The following RORA variants were observed in gnomAD, a reference collection of about 807,000 sequenced individuals.
RORA encodes nuclear receptor ROR-alpha.
In RORA, 7 loss-of-function variants were observed where a neutral mutation model predicts 69.5. The ratio of observed to expected loss-of-function variants is 0.10; its 90% CI spans 0.06 to 0.19. The LOEUF (loss-of-function observed/expected upper bound fraction) is 0.19. RORA is among the 10% of genes least tolerant of loss of function. RORA has a pLI of 1.00. For synonymous variants in RORA, 261 were observed against 240.8 expected (o/e 1.08, Z -0.78); for missense variants, 457 against 663.0 (o/e 0.69, Z 3.41).
In RORA at chr15:61,083,403, AG is replaced by A. The variant is rs774540823; in HGVS notation, c.166+145649del. Among the ~76,000 whole-genome samples the A allele has an allele frequency of 9.8e-5, 15 of 152,310 alleles. No individual in the cohort carries two copies. In the South Asian group the frequency reaches 1.0e-3, roughly 11 times the overall value. Reference sequence around the variant, plus strand: ...TAGATGATCTGGGCCAAGAGGTAGCAGTTCCTTCATACAAAGCCATCTATAC... The same window carrying A: ...TAGATGATCTGGGCCAAGAGGTAGCATTCCTTCATACAAAGCCATCTATAC... On this transcript the variant is annotated intron_variant, in intron 1 of 10. Coordinates refer to ENST00000335670, the MANE Select transcript of RORA (RefSeq NM_134261.3).
chr15:61,133,880 C>G (rs2140849188), intron 1 of RORA, among the ~76,000 whole-genome samples: 1 of 152,330 alleles, frequency 6.6e-6, no homozygotes, highest in African/African-American at 2.4e-5. Flanking sequence ...AAATCTTTAA[C>G]TGTAGCAAAA....
chr15:60,551,014 C>G (rs1180254912), intron 2 of RORA, among the ~76,000 whole-genome samples: 2 of 152,116 alleles, frequency 1.3e-5, no homozygotes, highest in African/African-American at 4.8e-5. Context: ...AACAGGATAG[C>G]TACAAAGTCA....
intron 1 of RORA, among the ~76,000 whole-genome samples, chr15:60,814,275 G>A (rs1036860068): frequency 1.3e-5 from 2 of 152,096 alleles, no homozygotes; most frequent in Non-Finnish European, 2.9e-5. Flanking sequence ...ATTAGCCAGC[G>A]TTCTTCAAGG....
chr15:60,650,640 A>G (rs1455956799), intron 2 of RORA: 1 of 152,140 alleles, frequency 6.6e-6, no homozygotes, highest in Non-Finnish European at 1.5e-5. Flanking sequence ...AAACCAGGAG[A>G]AGAGAGCACC....
At chr15:60,773,522 C>T (rs1390094256) in intron 1 of RORA, among the ~76,000 whole-genome samples, 3 of 152,184 alleles carry the variant, frequency 2.0e-5, no homozygotes, top group Non-Finnish European at 2.9e-5. Context: ...TTTACCAATA[C>T]TTTTACTAAT....
chr15:60,838,293 C>G (rs1239063602), intron 1 of RORA, among the ~76,000 whole-genome samples: 51 of 152,208 alleles, frequency 3.4e-4, no homozygotes, highest in Admixed American at 3.3e-3. Flanking sequence ...ATGGCCTGGG[C>G]TGGGGATTTT....
chr15:60,984,656 T>A (rs977304580), intron 1 of RORA, among the ~76,000 whole-genome samples: 3 of 152,158 alleles, frequency 2.0e-5, no homozygotes, highest in African/African-American at 7.2e-5. Flanking sequence ...CTTGTTGTTA[T>A]TGGTTTGAGA....
chr15:60,732,708 C>T (rs1339024987), intron 1 of RORA, among the ~76,000 whole-genome samples: 1 of 152,048 alleles, frequency 6.6e-6, no homozygotes, highest in Non-Finnish European at 1.5e-5. Context: ...ACACACCCCC[C>T]TTTACATAAC....
intron 1 of RORA, among the ~76,000 whole-genome samples, chr15:60,877,528 G>A (rs1409159630): frequency 6.6e-6 from 1 of 152,132 alleles, no homozygotes; most frequent in African/African-American, 2.4e-5. Context: ...AACTGATTTA[G>A]TCTGTGAGTA....
At chr15:60,998,163 A>G (rs1894621068) in intron 1 of RORA, among the ~76,000 whole-genome samples, 1 of 152,134 alleles carries the variant, frequency 6.6e-6, no homozygotes, top group Admixed American at 6.5e-5. Context: ...TTCATCATGT[A>G]TAATCTTTCT....
At chr15:60,911,692 A>G (rs1891722417) in intron 1 of RORA, among the ~76,000 whole-genome samples, 1 of 132,766 alleles carries the variant, frequency 7.5e-6, no homozygotes, top group African/African-American at 2.8e-5. Flanking sequence ...GTGTCAGGTA[A>G]CGGATTTTTG....
At chr15:60,575,083 G>A (rs973502146) in intron 2 of RORA, among the ~76,000 whole-genome samples, 1 of 151,950 alleles carries the variant, frequency 6.6e-6, no homozygotes, top group Non-Finnish European at 1.5e-5. Context: ...AGAGCCCTAA[G>A]AGAGGAGATG....
chr15:60,507,637 T>G (rs192310846), intron 5 of RORA, among the ~76,000 whole-genome samples: 21 of 152,080 alleles, frequency 1.4e-4, no homozygotes, highest in African/African-American at 5.1e-4. Context: ...ACAAAAATAA[T>G]GGGGAGTAAG....
intron 1 of RORA, among the ~76,000 whole-genome samples, chr15:61,218,099 G>A (rs890870820): frequency 1.3e-5 from 2 of 151,756 alleles, no homozygotes; most frequent in African/African-American, 4.8e-5. Context: ...GTGGTGGCTC[G>A]TAATCTGTAT....
intron 2 of RORA, among the ~76,000 whole-genome samples, chr15:60,635,477 T>C (rs2069818338): frequency 6.6e-6 from 1 of 152,180 alleles, no homozygotes; most frequent in African/African-American, 2.4e-5. Flanking sequence ...TAATAAATTG[T>C]AGGAGGTTGT....
intron 1 of RORA, among the ~76,000 whole-genome samples, chr15:60,732,532 A>T (rs977264094): frequency 1.3e-5 from 2 of 152,174 alleles, no homozygotes; most frequent in African/African-American, 2.4e-5. Context: ...AAATTAAGCA[A>T]ATTAATCTAG....
At chr15:61,202,327 A>G (rs1349998523) in intron 1 of RORA, among the ~76,000 whole-genome samples, 2 of 152,104 alleles carry the variant, frequency 1.3e-5, no homozygotes, top group Admixed American at 6.6e-5. Flanking sequence ...ACTTGATCTT[A>G]ATAGTTACCT....
chr15:60,557,619 G>A (rs1476867088), intron 2 of RORA, among the ~76,000 whole-genome samples: 1 of 152,180 alleles, frequency 6.6e-6, no homozygotes, highest in African/African-American at 2.4e-5. Context: ...GTATTCATAA[G>A]GAACACATTC....
intron 1 of RORA, among the ~76,000 whole-genome samples, chr15:61,201,865 A>T (rs2079897880): frequency 6.6e-6 from 1 of 152,234 alleles, no homozygotes; most frequent in South Asian, 2.1e-4. Flanking sequence ...TAGAGGTAAG[A>T]TAATGGAAAA....
Sources: allele counts gnomAD v4.1 joint callset (sites outside exome capture counted in the v4.1 genomes callset), GRCh38; gene constraint gnomAD v4.1.1; transcripts MANE v1.5; gene names NCBI Gene and HGNC (gene_info 2026-07-23, HGNC 2026-07-21).